CD36: variants seen among roughly 807,000 people sequenced by gnomAD.
CD36 encodes the protein platelet glycoprotein 4.
Under a neutral mutation model 55.2 loss-of-function variants are expected in CD36, and 119 were observed. That is an observed-to-expected ratio of 2.15 (90% CI 1.86 to 2.51). CD36 has a LOEUF of 2.51. Among genes scored for constraint, CD36 ranks in the 30% most tolerant of loss-of-function variants. The pLI is 0.00. For missense variants in CD36, 819 were observed against 555.5 expected, an observed-to-expected ratio of 1.47 and a Z score of -4.77; for synonymous variants, 186 against 193.6, an observed-to-expected ratio of 0.96 and a Z score of 0.33.
chr7:80,615,581 A>G (rs1428568093), intron 1 of CD36, among the ~76,000 whole-genome samples: 2 of 152,166 alleles, frequency 1.3e-5, no homozygotes, highest in Non-Finnish European at 2.9e-5. Context: ...ACAAAATCAC[A>G]ATCTATTCAA....
rs182767739 is a variant in CD36 at position 80,623,218 on chromosome 7, G to A, written c.-184+20839G>A. Among the ~76,000 whole-genome samples, 118 of 152,124 alleles carry A rather than the reference G, an allele frequency of 7.8e-4. 1 individual carries two copies. Among genetic ancestry groups the A allele is most frequent in the Non-Finnish European group, 8.8e-5 (6 of 67,992 alleles). On this transcript the variant is annotated intron_variant, in intron 1 of 13. Transcript: ENST00000309881. Reference sequence around the variant, plus strand: ...GACCAGCTCTAGAATGAATGTTCTCGACCAGGGTGACTGTCCACTTCATGA... The same window carrying A: ...GACCAGCTCTAGAATGAATGTTCTCAACCAGGGTGACTGTCCACTTCATGA...
chr7:80,670,451 T>G (rs1433099043), intron 9 of CD36: 1 of 225,238 alleles, frequency 4.4e-6, no homozygotes. Context: ...GGTAGGCATT[T>G]AACATCTCTG....
intron 13 of CD36, 169 bp downstream of exon 13, chr7:80,673,578 C>T: frequency 3.4e-6 from 2 of 582,386 alleles, no homozygotes; most frequent in East Asian, 2.9e-5. Context: ...TGAACAAAAA[C>T]ATTTCCTATC....
At position 80,656,694 on chromosome 7, in the gene CD36, C is replaced by T. The variant is rs150037612; in HGVS notation, c.275C>T (p.Thr92Met). 95 of 1,613,216 alleles carry T rather than the reference C, an allele frequency of 5.9e-5. No homozygotes were observed. Among genetic ancestry groups the T allele is most frequent in the East Asian group, 5.8e-4 (26 of 44,790 alleles). The change falls in exon 4 of 15, where the codon ACG (threonine) becomes ATG (methionine). Residue 92 changes from threonine (T) to methionine (M), a missense_variant. Physicochemically the swap from Thr to Met is moderately conservative, Grantham distance 81. Coordinates refer to ENST00000447544, the MANE Select transcript of CD36 (RefSeq NM_001001548.3). ...NIQVKQRGPY[T>M]YRVRFLAKEN... is the part of the protein sequence containing the mutation. ...CAAGTTAAGCAAAGAGGTCCTTATA[C>T]GTACAGGTGAGTGAGTCCCCACAAA...
intron 8 of CD36, among the ~76,000 whole-genome samples, chr7:80,667,847 T>C (rs1797272252): frequency 6.9e-6 from 1 of 145,098 alleles, no homozygotes; most frequent in African/African-American, 2.6e-5. Flanking sequence ...CCTCCTGGGG[T>C]TCAAGTGATT....
chr7:80,659,328 T>C (rs1234301779), intron 4 of CD36, among the ~76,000 whole-genome samples: 3 of 152,184 alleles, frequency 2.0e-5, no homozygotes, highest in African/African-American at 7.2e-5. Flanking sequence ...TTGATTACAC[T>C]TTGACAAGAT....
At chr7:80,665,874 A>T (rs536559301) in intron 7 of CD36, 1 of 152,886 alleles carries the variant, frequency 6.5e-6, no homozygotes, top group East Asian at 1.9e-4. Context: ...TAGACAGCAA[A>T]GTATAAGTTA....
chr7:80,671,178 C>T lies in CD36; in HGVS notation c.1006+14C>T. 1.3e-6 allele frequency: 2 copies of T among 1,535,640 alleles called. No individual in the cohort carries two copies. Among genetic ancestry groups the T allele is most frequent in the Non-Finnish European group, 1.8e-6 (2 of 1,110,660 alleles). ...AATGCAAAGAAGGTGAGTAAATAAC[C>T]TCAGTAGCACAGTCCATACCATAAT... On this transcript the variant is annotated intron_variant, in intron 10 of 14. Transcript: ENST00000447544.
At chr7:80,636,072 C>T (rs1343471435), upstream of CD36, among the ~76,000 whole-genome samples, 1 of 152,016 alleles carries the variant, frequency 6.6e-6, no homozygotes, top group Non-Finnish European at 1.5e-5. Context: ...CTGCAAAAAC[C>T]CAACATTCTA....
intron 11 of CD36, among the ~76,000 whole-genome samples, 200 bp from the exon 12 acceptor site, chr7:80,672,570 C>T (rs1312186377): frequency 2.0e-5 from 3 of 151,282 alleles, no homozygotes; most frequent in Admixed American, 6.6e-5. Context: ...CCTTGACATT[C>T]GATTGGGCAA....
rs1562831540 is a variant in CD36 at position 80,676,639 on chromosome 7, AT to A, written c.*259del. The A allele has an allele frequency of 6.6e-6, 1 of 152,146 alleles. No homozygotes were observed. The highest frequency in any genetic ancestry group is 1.5e-5 in the Non-Finnish European group (1 of 68,034). 9.4% of individuals were successfully genotyped at this position (152,146 alleles called of 1,614,324 possible). On this transcript the variant is annotated 3_prime_UTR_variant, in exon 15 of 15. Coordinates refer to ENST00000447544, the MANE Select transcript of CD36 (RefSeq NM_001001548.3). ...TATAAATAATTGGCTTATGACTCAT[AT>A]TTCTCTATGAATACCTTCATACAGC...
At chr7:80,650,643 AT>A (rs1232067252) in intron 3 of CD36, among the ~76,000 whole-genome samples, 2 of 152,188 alleles carry the variant, frequency 1.3e-5, no homozygotes, top group African/African-American at 2.4e-5. Context: ...TTGGAAAAAA[AT>A]AATTAAACTT....
chr7:80,604,614 T>G (rs1792440569), intron 1 of CD36, among the ~76,000 whole-genome samples: 1 of 151,382 alleles, frequency 6.6e-6, no homozygotes, highest in Non-Finnish European at 1.5e-5. Context: ...TGACAGAAAA[T>G]TGGCAAGCAT....
At chr7:80,671,202 A>T (rs774919018) in intron 10 of CD36, 38 bp downstream of exon 10, 3 of 1,328,948 alleles carry the variant, frequency 2.3e-6, no homozygotes, top group Non-Finnish European at 3.2e-6. Flanking sequence ...CCATACCATA[A>T]TTTGTGATAT....
chr7:80,672,698 G>T (rs1797813539), intron 11 of CD36, 72 bp from the exon 12 acceptor site: 1 of 1,060,874 alleles, frequency 9.4e-7, no homozygotes, highest in Non-Finnish European at 1.4e-6. Context: ...TCTGCTGTAA[G>T]AAAAATAAGT....
At chr7:80,637,648 C>T (rs189155168), upstream of CD36, among the ~76,000 whole-genome samples, 11 of 147,826 alleles carry the variant, frequency 7.4e-5, no homozygotes, top group Admixed American at 1.3e-4. Flanking sequence ...AAGGACAGCA[C>T]GAGCATTCTA....
intron 1 of CD36, among the ~76,000 whole-genome samples, chr7:80,643,977 C>T (rs974488950): frequency 2.0e-5 from 3 of 152,120 alleles, no homozygotes; most frequent in African/African-American, 7.2e-5. Flanking sequence ...ATAAACTACC[C>T]TAAATCTCAT....
chr7:80,658,544 G>A (rs1291271106), intron 4 of CD36, among the ~76,000 whole-genome samples: 1 of 152,036 alleles, frequency 6.6e-6, no homozygotes, highest in South Asian at 2.1e-4. Flanking sequence ...CCACTCTAGA[G>A]TGCAGTGGCA....
chr7:80,658,218 C>A (rs1796242324), intron 4 of CD36, among the ~76,000 whole-genome samples: 2 of 152,030 alleles, frequency 1.3e-5, no homozygotes, highest in South Asian at 2.1e-4. Flanking sequence ...ATATTATTAG[C>A]AAGAGTCTAT....
Sources: gnomAD v4.1 joint callset for allele counts (sites outside exome capture counted in the v4.1 genomes callset) on GRCh38, gnomAD v4.1.1 for gene constraint, MANE v1.5 for transcripts, NCBI Gene and HGNC (gene_info 2026-07-23, HGNC 2026-07-21) for gene names.